The following NECAB2 variants were observed in gnomAD, a reference collection of about 807,000 sequenced individuals.
NECAB2 encodes N-terminal EF-hand calcium-binding protein 2.
A neutral mutation model predicts 51.9 loss-of-function variants in NECAB2; 68 were observed. That is an observed-to-expected ratio of 1.31 (90% confidence interval 1.08 to 1.60). NECAB2 has a LOEUF of 1.60. NECAB2 is among the 40% of genes most tolerant of loss of function. NECAB2 has a pLI of 0.00. For synonymous variants in NECAB2, 329 were observed against 203.5 expected (o/e 1.62, Z -5.25); for missense variants, 854 against 490.3 (o/e 1.74, Z -7.00).
upstream of NECAB2, among the ~76,000 whole-genome samples, chr16:83,967,398 G>T (rs2084293262): frequency 7.1e-6 from 1 of 141,026 alleles, no homozygotes; most frequent in Non-Finnish European, 1.5e-5. Flanking sequence ...TGGGTGGGTG[G>T]ACAGATGGAT....
rs551806496 is a variant in NECAB2 at position 84,002,582 on chromosome 16, T to C, written c.*236T>C. ...CCCAAGGTTGAAGGGGGCGGCTTCC[T>C]GGAGCCAGCACCCCTGCCTCCTGGT... is the stretch of plus-strand genomic sequence containing the variant. On this transcript the variant is annotated 3_prime_UTR_variant, in exon 13 of 13. Transcript: ENST00000305202. 1.7e-6 allele frequency: 1 copy of C among 594,136 alleles called. No homozygotes were observed. Among genetic ancestry groups the C allele is most frequent in the Non-Finnish European group, 3.0e-6 (1 of 335,448 alleles). The allele number at this position is 594,136 out of a possible 1,614,324, so 36.8% of individuals were successfully genotyped here.
rs1255651880 is a variant in NECAB2, at chr16:83,990,624, A to C, written c.590A>C (p.Gln197Pro). 1 of 1,613,950 alleles carries C rather than the reference A, an allele frequency of 6.2e-7. No homozygotes were observed. Among genetic ancestry groups the C allele is most frequent in the African/African-American group, 1.3e-5 (1 of 74,904 alleles). Residue 197 changes from glutamine (Q) to proline (P), a missense_variant, in exon 6 of 13, where the codon CAG becomes CCG. Gln to Pro is a moderately conservative substitution (Grantham distance 76, BLOSUM62 -1). Coordinates refer to ENST00000305202, the MANE Select transcript of NECAB2 (RefSeq NM_019065.3). ...AVEAIEEQTSQLRQNHIKPSH... is the reference protein window; with the variant it reads ...AVEAIEEQTSPLRQNHIKPSH... ...GAGGCCATCGAGGAACAGACCAGCC[A>C]GCTCCGGTGAGTCTCTGAGACCCTG...
At position 84,001,925 on chromosome 16, in the gene NECAB2, C is replaced by A; in HGVS notation, c.1132+9C>A. On this transcript the variant is annotated intron_variant, in intron 12 of 12. Coordinates refer to ENST00000305202, the MANE Select transcript of NECAB2 (RefSeq NM_019065.3). Reference sequence around the variant, plus strand: ...CAGGATCTTGGTGCCAGGTAGGGGGCAAAGGCCTGGAACTGCAGTGGCCAC... The same window carrying A: ...CAGGATCTTGGTGCCAGGTAGGGGGAAAAGGCCTGGAACTGCAGTGGCCAC... 6.2e-7 allele frequency: 1 copy of A among 1,613,256 alleles called. No individual in the cohort carries two copies. The highest frequency in any genetic ancestry group is 8.5e-7 in the Non-Finnish European group (1 of 1,179,566).
At chr16:83,979,595 C>G (rs2084458760) in intron 3 of NECAB2, among the ~76,000 whole-genome samples, 1 of 152,130 alleles carries the variant, frequency 6.6e-6, no homozygotes, top group South Asian at 2.1e-4. Context: ...ACTGCAGCTT[C>G]CTGGGGTGCT....
Position 83,990,111 on chromosome 16 carries a change from C to A in NECAB2, c.460-383C>A, listed in dbSNP as rs887918375. Among the ~76,000 whole-genome samples the A allele has an allele frequency of 2.0e-5, 3 of 152,198 alleles. No individual in the cohort carries two copies. In the East Asian group the frequency reaches 5.8e-4, roughly 29 times the overall value. On this transcript the variant is annotated intron_variant, in intron 5 of 12. Coordinates refer to ENST00000305202, the MANE Select transcript of NECAB2 (RefSeq NM_019065.3). ...CAGTCACTATCACTGCCACCATCAC[C>A]GTCATCTATATTGTAGCACCTACTG... is the stretch of plus-strand genomic sequence containing the variant.
intron 2 of NECAB2, among the ~76,000 whole-genome samples, chr16:83,976,522 C>T (rs1426627412): frequency 1.3e-5 from 2 of 152,128 alleles, no homozygotes; most frequent in Admixed American, 6.5e-5. Flanking sequence ...CATCCTCTGT[C>T]ACAGAACACA....
intron 10 of NECAB2, among the ~76,000 whole-genome samples, chr16:83,998,668 C>T (rs1356095641): frequency 6.6e-6 from 1 of 152,232 alleles, no homozygotes; most frequent in Admixed American, 6.5e-5. Flanking sequence ...CAGTCAGCCT[C>T]AGCTGCTGCT....
chr16:83,989,358 G>C lies in NECAB2; in HGVS notation c.460-1136G>C, dbSNP rs550319852. ...GGCTTGGGTCGCCCACCTTCACCAC[G>C]CCTTAGCTGTCTTCTCATGTGCCCC... On this transcript the variant is annotated intron_variant, in intron 5 of 12. Coordinates refer to ENST00000305202, the MANE Select transcript of NECAB2 (RefSeq NM_019065.3). 2.6e-5 allele frequency among the ~76,000 whole-genome samples: 4 copies of C among 152,284 alleles called. No homozygotes were observed. The South Asian group carries it at 8.3e-4, about 32-fold the overall frequency.
In NECAB2 at chr16:83,990,517, G is replaced by A. The variant is rs1490482380; in HGVS notation, c.483G>A (p.Val161=). ...TKKVYEGGSN[V]DQFVTRFLLK... is the part of the protein sequence containing the mutation. ...AGGTATATGAGGGTGGGAGCAACGT[G>A]GACCAGTTTGTGACCCGCTTCCTCC... Residue 161 remains valine, a synonymous_variant, in exon 6 of 13, where the codon GTG becomes GTA. Transcript: ENST00000305202. 6.2e-7 allele frequency: 1 copy of A among 1,614,090 alleles called. No homozygotes were observed. The highest frequency in any genetic ancestry group is 1.1e-5 in the South Asian group (1 of 91,082).
rs36152286 is a variant in NECAB2 at position 84,000,705 on chromosome 16, C to T, written c.963-19C>T. ...TGGTTGAGCTCCAGCCTCCTCCCCC[C>T]GACCATCTCCTGTTGCAGCATCACT... On this transcript the variant is annotated intron_variant, in intron 10 of 12. Coordinates refer to ENST00000305202, the MANE Select transcript of NECAB2 (RefSeq NM_019065.3). The T allele has an allele frequency of 0.1, 168,998 of 1,612,536 alleles. 21,348 individuals carry two copies. Among genetic ancestry groups the T allele is most frequent in the African/African-American group, 0.65 (48,871 of 74,860 alleles).
chr16:83,976,682 C>T (rs958210196), intron 2 of NECAB2, among the ~76,000 whole-genome samples: 1 of 141,476 alleles, frequency 7.1e-6, no homozygotes, highest in African/African-American at 3.2e-5. Flanking sequence ...CCACTGTAAC[C>T]TTGAAATCTG....
At chr16:83,980,078 T>C (rs1368786354) in intron 3 of NECAB2, among the ~76,000 whole-genome samples, 1 of 152,184 alleles carries the variant, frequency 6.6e-6, no homozygotes, top group African/African-American at 2.4e-5. Flanking sequence ...CAGATGTGCT[T>C]TGCTGAGCCT....
At chr16:83,969,185 C>T (rs2084322573) in intron 1 of NECAB2, among the ~76,000 whole-genome samples, 1 of 151,830 alleles carries the variant, frequency 6.6e-6, no homozygotes, top group Admixed American at 6.6e-5. Flanking sequence ...CCACCCTTTA[C>T]CCCGCGGGAC....
intron 5 of NECAB2, among the ~76,000 whole-genome samples, chr16:83,981,595 A>T (rs1270556340): frequency 6.6e-6 from 1 of 152,128 alleles, no homozygotes; most frequent in African/African-American, 2.4e-5. Flanking sequence ...CACCTCCACT[A>T]TCTCACAGCT....
At chr16:83,976,774 T>G (rs1269824650) in intron 2 of NECAB2, among the ~76,000 whole-genome samples, 3 of 152,154 alleles carry the variant, frequency 2.0e-5, no homozygotes, top group African/African-American at 7.2e-5. Context: ...CTCTGATACT[T>G]TATGCTCTAT....
At position 83,968,452 on chromosome 16, in the gene NECAB2, G is replaced by C. The variant is rs1047308934; in HGVS notation, c.-197G>C. ...CCCGGCCGGCGGGGGTGGGGGCGGC[G>C]GGGAGCGGGCACGTGGCTCGGGGTC... On this transcript the variant is annotated 5_prime_UTR_variant, in exon 1 of 13. Coordinates refer to ENST00000305202, the MANE Select transcript of NECAB2 (RefSeq NM_019065.3). Among the ~76,000 whole-genome samples the C allele has an allele frequency of 6.8e-6, 1 of 146,288 alleles. No homozygotes were observed. The highest frequency in any genetic ancestry group is 1.5e-5 in the Non-Finnish European group (1 of 65,892).
intron 2 of NECAB2, among the ~76,000 whole-genome samples, chr16:83,974,859 C>T (rs922947956): frequency 6.6e-6 from 1 of 151,168 alleles, no homozygotes; most frequent in Admixed American, 6.6e-5. Flanking sequence ...AGAATGAGAG[C>T]AGGTGTGCAG....
chr16:83,979,940 G>T (rs1015746288), intron 3 of NECAB2, among the ~76,000 whole-genome samples: 1 of 152,196 alleles, frequency 6.6e-6, no homozygotes, highest in Non-Finnish European at 1.5e-5. Flanking sequence ...AATTAAAGCA[G>T]AATGACAGGG....
chr16:83,999,413 G>A (rs1044173132), intron 10 of NECAB2, among the ~76,000 whole-genome samples: 10 of 152,188 alleles, frequency 6.6e-5, no homozygotes, highest in Non-Finnish European at 1.3e-4. Context: ...GAGGCACGGT[G>A]GACGTAGAGG....
Sources: allele counts gnomAD v4.1 joint callset (sites outside exome capture counted in the v4.1 genomes callset), GRCh38; gene constraint gnomAD v4.1.1; transcripts MANE v1.5; gene names NCBI Gene and HGNC (gene_info 2026-07-23, HGNC 2026-07-21).